NRXN1: variants seen among roughly 807,000 people sequenced by gnomAD.
NRXN1 encodes neurexin-1.
In NRXN1, 39 loss-of-function variants were observed where a neutral mutation model predicts 150.9. The observed-to-expected ratio is 0.26, with a 90% confidence interval of 0.20 to 0.34. NRXN1 has a LOEUF of 0.34. NRXN1 is among the 10% of genes least tolerant of loss of function. NRXN1 has a pLI of 1.00. For missense variants in NRXN1, 1,815 were observed against 1,949.9 expected, an observed-to-expected ratio of 0.93 and a Z score of 1.30; for synonymous variants, 924 against 757.0, an observed-to-expected ratio of 1.22 and a Z score of -3.62.
intron 5 of NRXN1, among the ~76,000 whole-genome samples, chr2:50,658,411 G>GGTGTGTGTGTGTGTGT (rs58970263): frequency 0.048 from 6,896 of 144,664 alleles, 218 homozygotes; most frequent in African/African-American, 0.059. Flanking sequence ...TGCATTCACT[G>GGTGTGTGTGTGTGTGT]GTGTGTGTGT....
chr2:50,503,549 G>A (rs1312782002), intron 13 of NRXN1, among the ~76,000 whole-genome samples: 1 of 110,108 alleles, frequency 9.1e-6, no homozygotes, highest in African/African-American at 3.9e-5. Flanking sequence ...GAAAAAAAGA[G>A]AAATGAAAAG....
chr2:50,601,838 T>G (rs193054342), intron 8 of NRXN1, among the ~76,000 whole-genome samples: 1 of 152,200 alleles, frequency 6.6e-6, no homozygotes, highest in Non-Finnish European at 1.5e-5. Flanking sequence ...TGCTCCTTCC[T>G]TGTTCTAAGG....
chr2:50,550,570 C>T (rs1429075563), intron 9 of NRXN1, among the ~76,000 whole-genome samples: 3 of 151,974 alleles, frequency 2.0e-5, no homozygotes, highest in African/African-American at 7.3e-5. Context: ...AAATTAACTG[C>T]TATCTCTGGC....
intron 12 of NRXN1, among the ~76,000 whole-genome samples, chr2:50,527,320 G>A (rs943381062): frequency 1.3e-5 from 2 of 152,130 alleles, no homozygotes; most frequent in Non-Finnish European, 2.9e-5. Context: ...CCTGGTATTA[G>A]ATGTGCAAAA....
intron 5 of NRXN1, among the ~76,000 whole-genome samples, chr2:50,840,522 G>T (rs1436370141): frequency 2.6e-5 from 4 of 152,064 alleles, no homozygotes; most frequent in Non-Finnish European, 4.4e-5. Flanking sequence ...AGGGCCTCAA[G>T]GAAAAACACG....
intron 5 of NRXN1, among the ~76,000 whole-genome samples, chr2:50,865,658 G>GTTTTTTTTTTTTT (rs71404978): frequency 0.015 from 614 of 41,864 alleles, 163 homozygotes; most frequent in Middle Eastern, 0.042. Context: ...GCATTTGAAA[G>GTTTTTTTTTTTTT]TTTTTTTTTT....
chr2:51,020,213 C>A (rs1280448390), intron 2 of NRXN1, among the ~76,000 whole-genome samples: 3 of 151,876 alleles, frequency 2.0e-5, no homozygotes, highest in Non-Finnish European at 2.9e-5. Context: ...CTAAAAGGTA[C>A]CTTTATCCCA....
At chr2:50,446,363 C>G (rs1438168350) in intron 17 of NRXN1, among the ~76,000 whole-genome samples, 1 of 150,528 alleles carries the variant, frequency 6.6e-6, no homozygotes, top group Non-Finnish European at 1.5e-5. Flanking sequence ...TCCTCCCTCC[C>G]TCTTTTCACT....
At chr2:50,549,536 G>C (rs933268587) in intron 9 of NRXN1, among the ~76,000 whole-genome samples, 2 of 152,082 alleles carry the variant, frequency 1.3e-5, no homozygotes, top group Non-Finnish European at 2.9e-5. Context: ...TGGATTCAAA[G>C]AAAAATCTCA....
At chr2:50,315,281 G>A (rs542774429) in intron 17 of NRXN1, among the ~76,000 whole-genome samples, 4 of 152,008 alleles carry the variant, frequency 2.6e-5, no homozygotes, top group Non-Finnish European at 5.9e-5. Context: ...AACTGAACAG[G>A]CAATTAAAAG....
At chr2:50,098,147 T>A (rs937301232) in intron 18 of NRXN1, among the ~76,000 whole-genome samples, 1 of 152,154 alleles carries the variant, frequency 6.6e-6, no homozygotes, top group Admixed American at 6.6e-5. Context: ...GTCTCCTATT[T>A]TCTCCATTAA....
At chr2:50,467,991 G>A (rs370988823) in intron 16 of NRXN1, among the ~76,000 whole-genome samples, 2 of 151,530 alleles carry the variant, frequency 1.3e-5, no homozygotes, top group East Asian at 3.9e-4. Context: ...AAAATAATTA[G>A]CATATTTTTA....
intron 12 of NRXN1, among the ~76,000 whole-genome samples, chr2:50,522,086 T>C (rs2092805240): frequency 6.6e-6 from 1 of 151,902 alleles, no homozygotes; most frequent in Admixed American, 6.6e-5. Context: ...AAGAATACAG[T>C]AAAGGAAGGA....
intron 2 of NRXN1, among the ~76,000 whole-genome samples, chr2:50,978,305 T>TATATATATAA (rs1436964052): frequency 1.2e-4 from 15 of 121,620 alleles, no homozygotes; most frequent in Non-Finnish European, 1.4e-4. Context: ...TATATATATA[T>TATATATATAA]AAAATATATA....
At chr2:50,686,069 CA>C (rs1279357563) in intron 5 of NRXN1, among the ~76,000 whole-genome samples, 2 of 152,100 alleles carry the variant, frequency 1.3e-5, no homozygotes, top group African/African-American at 4.8e-5. Context: ...TATGGTGCCA[CA>C]ACTAGAAATA....
intron 2 of NRXN1, among the ~76,000 whole-genome samples, chr2:50,960,987 G>C (rs777364909): frequency 6.6e-6 from 1 of 151,752 alleles, no homozygotes; most frequent in Non-Finnish European, 1.5e-5. Context: ...CACCATTTTC[G>C]GGTGAGTAGT....
At chr2:50,506,704 G>C (rs1051147299) in intron 12 of NRXN1, 87 bp from the exon 13 acceptor site, 1 of 1,373,770 alleles carries the variant, frequency 7.3e-7, no homozygotes, top group African/African-American at 1.4e-5. Context: ...AGAGACAAGG[G>C]GGGAAGGTGA....
At chr2:50,091,233 C>T (rs534639403) in intron 19 of NRXN1, 90 bp downstream of exon 19, 1 of 1,477,210 alleles carries the variant, frequency 6.8e-7, no homozygotes, top group Admixed American at 1.7e-5. Flanking sequence ...CTCAGAAAAC[C>T]ACAATTTGGT....
intron 17 of NRXN1, among the ~76,000 whole-genome samples, chr2:50,306,763 G>A (rs1234982290): frequency 6.6e-6 from 1 of 152,174 alleles, no homozygotes; most frequent in Non-Finnish European, 1.5e-5. Flanking sequence ...ACATTTTTGA[G>A]TGTAATCAAA....
Sources: gnomAD v4.1 joint callset for allele counts (sites outside exome capture counted in the v4.1 genomes callset) on GRCh38, gnomAD v4.1.1 for gene constraint, MANE v1.5 for transcripts, NCBI Gene and HGNC (gene_info 2026-07-23, HGNC 2026-07-21) for gene names.